Variants in LY6S observed in about 807,000 individuals in gnomAD.
The protein encoded by LY6S is lymphocyte antigen 6S.
the LY6S span, among the ~76,000 whole-genome samples, chr8:143,074,753 C>T: frequency 1.3e-5 from 2 of 152,160 alleles, no homozygotes; most frequent in Admixed American, 6.5e-5. Flanking sequence ...GAAAATCACA[C>T]TCTCCTGTAA....
chr8:143,048,204 G>A, the LY6S span, among the ~76,000 whole-genome samples: 14 of 152,134 alleles, frequency 9.2e-5, 1 homozygote, highest in South Asian at 4.1e-4. Context: ...GTCAAGCTCC[G>A]GGGAAGGTTT....
the LY6S span, among the ~76,000 whole-genome samples, chr8:143,048,330 C>T: frequency 6.6e-6 from 1 of 152,322 alleles, no homozygotes; most frequent in East Asian, 1.9e-4. Context: ...AGTATTTGGG[C>T]TGTTTCGCTG....
At chr8:143,056,637 C>CT in the LY6S span, among the ~76,000 whole-genome samples, 18 of 152,022 alleles carry the variant, frequency 1.2e-4, no homozygotes, top group African/African-American at 2.7e-4. Flanking sequence ...CTAGAAATGC[C>CT]TTTTTTTTGG....
chr8:143,051,172 T>C, the LY6S span, among the ~76,000 whole-genome samples: 1 of 152,120 alleles, frequency 6.6e-6, no homozygotes, highest in East Asian at 1.9e-4. Context: ...ACAGGAAAGC[T>C]AAGAGGGAAC....
At chr8:143,049,134 A>T in the LY6S span, 4 of 533,988 alleles carry the variant, frequency 7.5e-6, no homozygotes, top group Non-Finnish European at 1.5e-5. Context: ...GATGTCCCAC[A>T]CCCTGTCATG....
chr8:143,064,332 A>G, the LY6S span, among the ~76,000 whole-genome samples: 1 of 152,168 alleles, frequency 6.6e-6, no homozygotes, highest in African/African-American at 2.4e-5. Context: ...TTTCCCTTCT[A>G]TAGAGAAAAC....
At chr8:143,054,884 G>A in the LY6S span, among the ~76,000 whole-genome samples, 2 of 152,180 alleles carry the variant, frequency 1.3e-5, no homozygotes, top group Admixed American at 1.3e-4. Context: ...AAACGGCAGA[G>A]GGCCTCATGA....
At chr8:143,072,281 G>A in the LY6S span, among the ~76,000 whole-genome samples, 74 of 135,958 alleles carry the variant, frequency 5.4e-4, no homozygotes, top group East Asian at 9.8e-4. Flanking sequence ...CGTCCCCGGG[G>A]TTCCTGTTTG....
the LY6S span, chr8:143,066,096 G>T: frequency 2.4e-6 from 1 of 412,916 alleles, no homozygotes. Context: ...GAAGACACTC[G>T]CTTCGGAAAT....
the LY6S span, among the ~76,000 whole-genome samples, chr8:143,064,264 G>A: frequency 2.0e-5 from 3 of 152,220 alleles, no homozygotes; most frequent in Non-Finnish European, 4.4e-5. Context: ...GCTGCCTTCA[G>A]GTAGCGGTGG....
the LY6S span, chr8:143,049,082 C>A: frequency 2.1e-6 from 1 of 478,782 alleles, no homozygotes; most frequent in Non-Finnish European, 4.3e-6. Context: ...ATGCCAAATG[C>A]CCGTGACCTC....
the LY6S span, among the ~76,000 whole-genome samples, chr8:143,050,558 A>C: frequency 6.6e-6 from 1 of 152,086 alleles, no homozygotes; most frequent in South Asian, 2.1e-4. Flanking sequence ...ATAAAGGGCC[A>C]TGTTGGCTCT....
the LY6S span, among the ~76,000 whole-genome samples, chr8:143,073,573 G>A: frequency 1.0e-4 from 12 of 114,580 alleles, no homozygotes; most frequent in Admixed American, 1.7e-4. Context: ...CGTCCTCGGG[G>A]CTCCTGTTTG....
At chr8:143,047,196 A>G in the LY6S span, among the ~76,000 whole-genome samples, 3 of 150,848 alleles carry the variant, frequency 2.0e-5, no homozygotes, top group African/African-American at 4.9e-5. Flanking sequence ...CTGGAGTGCA[A>G]TGGTGCCATC....
At chr8:143,072,101 G>A in the LY6S span, among the ~76,000 whole-genome samples, 135 of 151,398 alleles carry the variant, frequency 8.9e-4, no homozygotes, top group African/African-American at 3.1e-3. Flanking sequence ...GCCCTCATTT[G>A]TGAGGGAAAT....
At chr8:143,051,082 G>A in the LY6S span, among the ~76,000 whole-genome samples, 1 of 152,216 alleles carries the variant, frequency 6.6e-6, no homozygotes, top group Non-Finnish European at 1.5e-5. Context: ...CTGTGCAGGA[G>A]CCTGAGCGAG....
chr8:143,043,202 G>A, the LY6S span: 1 of 1,367,664 alleles, frequency 7.3e-7, no homozygotes, highest in Non-Finnish European at 9.8e-7. Flanking sequence ...TGGCTGCCAG[G>A]ACCACCGCAT....
chr8:143,069,229 C>A, the LY6S span, among the ~76,000 whole-genome samples: 1 of 152,230 alleles, frequency 6.6e-6, no homozygotes, highest in Non-Finnish European at 1.5e-5. Context: ...CCAGACGCTT[C>A]CGCAGTGAGG....
the LY6S span, chr8:143,053,144 AC>A: frequency 2.6e-5 from 4 of 151,702 alleles, no homozygotes; most frequent in African/African-American, 9.7e-5. Context: ...GCTACAAACC[AC>A]CCCCGATGGC....
Sources: allele counts gnomAD v4.1 joint callset (sites outside exome capture counted in the v4.1 genomes callset), GRCh38; gene constraint gnomAD v4.1.1; transcripts MANE v1.5; gene names NCBI Gene and HGNC (gene_info 2026-07-23, HGNC 2026-07-21).